Variants in FKBP5 observed in about 807,000 individuals in gnomAD.
FKBP5 encodes peptidyl-prolyl cis-trans isomerase FKBP5.
FKBP5 carries 23 observed loss-of-function variants against 50.5 expected under a neutral mutation model. The observed-to-expected ratio is 0.46, with a 90% CI of 0.33 to 0.65. The LOEUF (loss-of-function observed/expected upper bound fraction) is 0.65. Ranked by LOEUF, FKBP5 falls within the 30% of genes least tolerant of loss-of-function variation. The probability of loss-of-function intolerance (pLI) is 0.02; values close to 1 mark genes in which losing one functional copy is unlikely to be tolerated. For synonymous variants in FKBP5, 176 were observed against 190.6 expected, an observed-to-expected ratio of 0.92 and a Z score of 0.63; for missense variants, 411 against 553.1, an observed-to-expected ratio of 0.74 and a Z score of 2.58.
intron 8 of FKBP5, chr6:35,584,063 GA>G (rs1561843961): frequency 1.0e-6 from 1 of 985,344 alleles, no homozygotes; most frequent in South Asian, 4.7e-5. Context: ...TGCCAAGTCA[GA>G]AAAAAGAAAA....
chr6:35,634,432 G>A (rs904687632), intron 3 of FKBP5, among the ~76,000 whole-genome samples: 1 of 152,128 alleles, frequency 6.6e-6, no homozygotes, highest in Non-Finnish European at 1.5e-5. Flanking sequence ...TATCTCATGA[G>A]CCATTAACCT....
intron 1 of FKBP5, among the ~76,000 whole-genome samples, chr6:35,686,036 A>T (rs1765818508): frequency 6.7e-6 from 1 of 149,886 alleles, no homozygotes; most frequent in African/African-American, 2.4e-5. Context: ...GTGGCATTTG[A>T]TCTAGCCTCA....
rs568272513 is a variant in FKBP5 at position 35,610,319 on chromosome 6, C to T, written c.508+8777G>A. On this transcript the variant is annotated intron_variant, in intron 5 of 10. Coordinates refer to ENST00000357266, the MANE Select transcript of FKBP5 (RefSeq NM_004117.4). ...TGGTGGTTCACACCTATAATCTCAG[C>T]ACTTTGGGAGGCTGAGGCAGGTGGA... 9.9e-5 allele frequency among the ~76,000 whole-genome samples: 15 copies of T among 152,090 alleles called. No individual in the cohort carries two copies. In the East Asian group the frequency reaches 2.9e-3, roughly 29 times the overall value.
At chr6:35,631,350 T>C (rs1764145939) in intron 3 of FKBP5, among the ~76,000 whole-genome samples, 1 of 152,198 alleles carries the variant, frequency 6.6e-6, no homozygotes, top group South Asian at 2.1e-4. Flanking sequence ...AGATTCTGTT[T>C]ATATGAAATT....
At chr6:35,627,546 C>T (rs960780911) in intron 3 of FKBP5, among the ~76,000 whole-genome samples, 4 of 152,120 alleles carry the variant, frequency 2.6e-5, no homozygotes, top group Non-Finnish European at 4.4e-5. Flanking sequence ...GATTTGCAAA[C>T]ATTTTTCTCC....
intron 8 of FKBP5, chr6:35,581,285 A>AATAT (rs763393400): frequency 8.5e-4 from 331 of 388,434 alleles, no homozygotes; most frequent in Admixed American, 3.3e-3. Context: ...ATATATATAT[A>AATAT]ATATATATAT....
rs562454318 is a variant in FKBP5 at position 35,590,592 on chromosome 6, TA to T, written c.756+537del. ...TCTCTCTTCTCTACTTGGAGAAGTATAAAAAAAAAATGGCTTCGGGTTAGCT... is the reference window on the plus strand; with the variant it reads ...TCTCTCTTCTCTACTTGGAGAAGTATAAAAAAAAATGGCTTCGGGTTAGCT... On this transcript the variant is annotated intron_variant, in intron 7 of 10. Coordinates refer to ENST00000357266, the MANE Select transcript of FKBP5 (RefSeq NM_004117.4). Among the ~76,000 whole-genome samples the T allele has an allele frequency of 7.8e-3, 1,155 of 148,936 alleles. 12 individuals carry two copies. The highest frequency in any genetic ancestry group is 0.024 in the African/African-American group (977 of 40,800).
At chr6:35,700,013 C>T (rs1198882874) in intron 2 of FKBP5, among the ~76,000 whole-genome samples, 1 of 151,962 alleles carries the variant, frequency 6.6e-6, no homozygotes, top group East Asian at 1.9e-4. Flanking sequence ...CGCCACTGCA[C>T]TCCAGTCTGG....
chr6:35,663,235 G>A (rs1390780879), intron 1 of FKBP5, among the ~76,000 whole-genome samples: 11 of 152,196 alleles, frequency 7.2e-5, no homozygotes, highest in Admixed American at 5.2e-4. Context: ...AGAAAGACGC[G>A]AAGACACAAA....
At chr6:35,725,201 A>T (rs1766679892) in intron 1 of FKBP5, among the ~76,000 whole-genome samples, 1 of 152,104 alleles carries the variant, frequency 6.6e-6, no homozygotes, top group Admixed American at 6.5e-5. Context: ...TTCCATTAGG[A>T]ATGTGTGACT....
chr6:35,596,603 G>T (rs897853497), intron 6 of FKBP5, among the ~76,000 whole-genome samples: 1 of 152,070 alleles, frequency 6.6e-6, no homozygotes, highest in Non-Finnish European at 1.5e-5. Flanking sequence ...TCTCTCAGGG[G>T]TCTGTTTCTC....
At chr6:35,668,873 T>C (rs1255185034) in intron 1 of FKBP5, among the ~76,000 whole-genome samples, 1 of 152,118 alleles carries the variant, frequency 6.6e-6, no homozygotes, top group South Asian at 2.1e-4. Context: ...ATACTAAGTA[T>C]AGAAACAGTA....
intron 1 of FKBP5, among the ~76,000 whole-genome samples, chr6:35,723,486 G>C (rs1237263890): frequency 6.6e-6 from 1 of 152,174 alleles, no homozygotes; most frequent in African/African-American, 2.4e-5. Flanking sequence ...GATGGTGTCA[G>C]AGGGAAGAAG....
chr6:35,579,430 C>T (rs905644795), intron 9 of FKBP5, among the ~76,000 whole-genome samples: 1 of 151,996 alleles, frequency 6.6e-6, no homozygotes, highest in Admixed American at 6.6e-5. Flanking sequence ...AAAATAGTAT[C>T]GGCTGGTGTA....
At chr6:35,718,267 C>T (rs1766548013) in intron 2 of FKBP5, among the ~76,000 whole-genome samples, 1 of 152,158 alleles carries the variant, frequency 6.6e-6, no homozygotes, top group Non-Finnish European at 1.5e-5. Flanking sequence ...GGTGTGCTCG[C>T]GAGAGCCAGA....
chr6:35,641,172 G>C (rs368105859), intron 2 of FKBP5, among the ~76,000 whole-genome samples: 1 of 151,974 alleles, frequency 6.6e-6, no homozygotes, highest in Admixed American at 6.6e-5. Context: ...TCTACAGATA[G>C]GGGTCTTACT....
chr6:35,719,539 G>A (rs1014872844), intron 2 of FKBP5, among the ~76,000 whole-genome samples: 2 of 152,178 alleles, frequency 1.3e-5, no homozygotes, highest in Non-Finnish European at 2.9e-5. Flanking sequence ...TACACGGAAC[G>A]GACATGCTCA....
intron 1 of FKBP5, among the ~76,000 whole-genome samples, chr6:35,684,271 C>A (rs1005994308): frequency 6.6e-6 from 1 of 151,628 alleles, no homozygotes; most frequent in Non-Finnish European, 1.5e-5. Context: ...CTCAACCTCC[C>A]AGGCTCAAGT....
In FKBP5 at chr6:35,652,892, C is replaced by T. The variant is rs568781798; in HGVS notation, c.-19-10049G>A. Among the ~76,000 whole-genome samples the T allele has an allele frequency of 1.6e-4, 25 of 152,276 alleles. 1 individual carries two copies. The South Asian group carries it at 3.9e-3, about 24-fold the overall frequency. On this transcript the variant is annotated intron_variant, in intron 1 of 10. Transcript: ENST00000357266. The stretch of plus-strand genomic sequence containing the variant: ...TCCTACCAATGTGTGATGTCTCCCC[C>T]GGACGCCCAGCTTTAAAATTTCTCT...
Sources: allele counts gnomAD v4.1 joint callset (sites outside exome capture counted in the v4.1 genomes callset), GRCh38; gene constraint gnomAD v4.1.1; transcripts MANE v1.5; gene names NCBI Gene and HGNC (gene_info 2026-07-23, HGNC 2026-07-21).